The following SEPTIN9 variants were observed in gnomAD, a reference collection of about 807,000 sequenced individuals.
The protein encoded by SEPTIN9 is septin 9, also known as septin-9.
SEPTIN9 carries 13 observed loss-of-function variants against 56.6 expected under a neutral mutation model. That is an observed-to-expected ratio of 0.23 (90% confidence interval 0.15 to 0.37). SEPTIN9 has a LOEUF of 0.37. SEPTIN9 is among the 10% of genes least tolerant of loss of function. SEPTIN9 has a pLI of 1.00. For synonymous variants in SEPTIN9, 332 were observed against 334.1 expected, an observed-to-expected ratio of 0.99 and a Z score of 0.07; for missense variants, 650 against 823.1, an observed-to-expected ratio of 0.79 and a Z score of 2.57.
chr17:77,454,971 G>A (rs1270142890), intron 3 of SEPTIN9, among the ~76,000 whole-genome samples: 1 of 152,154 alleles, frequency 6.6e-6, no homozygotes, highest in Non-Finnish European at 1.5e-5. Flanking sequence ...CAGTGCAAAG[G>A]GCCTGAAAAG....
At chr17:77,343,039 A>ATCTATCTATCTG (rs1409785729) in intron 2 of SEPTIN9, among the ~76,000 whole-genome samples, 1 of 147,468 alleles carries the variant, frequency 6.8e-6, no homozygotes, top group African/African-American at 2.5e-5. Flanking sequence ...CTATCTATCT[A>ATCTATCTATCTG]TCTAGTCTCT....
At chr17:77,408,686 C>T (rs8068771) in intron 3 of SEPTIN9, among the ~76,000 whole-genome samples, 11,607 of 56,534 alleles carry the variant, frequency 0.21, 1,209 homozygotes, top group African/African-American at 0.41. Context: ...GTGGGGAGGG[C>T]GGGCATCAGC....
rs1034705439 is a variant in SEPTIN9, at chr17:77,421,677, C to A, written c.721+18974C>A. On this transcript the variant is annotated intron_variant, in intron 3 of 11. Coordinates refer to ENST00000427177, the MANE Select transcript of SEPTIN9 (RefSeq NM_001113491.2). This position sits in a 1 kb window ranked among gnomAD's most constrained non-coding sequence, Gnocchi z 4.6. ...CTTTGGAACTGGAGTGGCTCCTCCA[C>A]GGTGGATTGGGCTGAGCTCTCTGCC... Among the ~76,000 whole-genome samples, 1 of 152,190 alleles carries A rather than the reference C, an allele frequency of 6.6e-6. No individual in the cohort carries two copies. The highest frequency in any genetic ancestry group is 6.5e-5 in the Admixed American group (1 of 15,282).
At chr17:77,460,469 G>A (rs312843) in intron 3 of SEPTIN9, among the ~76,000 whole-genome samples, 11,879 of 152,192 alleles carry the variant, frequency 0.078, 1,409 homozygotes, top group African/African-American at 0.25. Flanking sequence ...CTCTCCTTCT[G>A]GGTCCTATGT....
chr17:77,486,505 T>TGC (rs2039787836), intron 4 of SEPTIN9, among the ~76,000 whole-genome samples: 1 of 96,716 alleles, frequency 1.0e-5, no homozygotes, highest in African/African-American at 6.2e-5. Context: ...TGTGTGTGTG[T>TGC]GTGTGTGTGT....
chr17:77,492,913 CG>C lies in SEPTIN9; in HGVS notation c.1477-62del. The C allele has an allele frequency of 2.7e-6, 4 of 1,457,902 alleles. No individual in the cohort carries two copies. The highest frequency in any genetic ancestry group is 3.8e-6 in the Non-Finnish European group (4 of 1,059,858). 90.3% of individuals were successfully genotyped at this position (1,457,902 alleles called of 1,614,324 possible). On this transcript the variant is annotated intron_variant, in intron 9 of 11. Transcript: ENST00000427177. This position sits in a 1 kb window ranked among gnomAD's most constrained non-coding sequence, Gnocchi z 5.4. ...ACCCCAGGCTCAGGGCAGCTCCTCCCGGGGGCCCAGGGGAGGGAATTGCCTT... is the reference window on the plus strand; with the variant it reads ...ACCCCAGGCTCAGGGCAGCTCCTCCCGGGGCCCAGGGGAGGGAATTGCCTT...
intron 2 of SEPTIN9, among the ~76,000 whole-genome samples, chr17:77,316,625 G>T (rs1414232703): frequency 6.6e-6 from 1 of 152,146 alleles, no homozygotes; most frequent in African/African-American, 2.4e-5. Context: ...GCCTCGTGGG[G>T]CCTTCCTGGG....
chr17:77,479,891 CG>C (rs1476214829), intron 3 of SEPTIN9, among the ~76,000 whole-genome samples: 6 of 152,174 alleles, frequency 3.9e-5, no homozygotes, highest in Non-Finnish European at 5.9e-5. Context: ...ACTGCTGCCC[CG>C]CAAGGCAAGG....
At chr17:77,387,091 A>T (rs2035362968) in intron 2 of SEPTIN9, among the ~76,000 whole-genome samples, 1 of 152,192 alleles carries the variant, frequency 6.6e-6, no homozygotes, top group Non-Finnish European at 1.5e-5. Context: ...GGCCCCCGTG[A>T]CAGTTTGCTG....
At chr17:77,411,716 G>A (rs1411249590) in intron 3 of SEPTIN9, among the ~76,000 whole-genome samples, 1 of 152,140 alleles carries the variant, frequency 6.6e-6, no homozygotes, top group African/African-American at 2.4e-5. Flanking sequence ...GCCCTGCCAG[G>A]CTTGTCCAGC....
chr17:77,387,549 G>A (rs981534338), intron 2 of SEPTIN9, among the ~76,000 whole-genome samples: 3 of 152,160 alleles, frequency 2.0e-5, no homozygotes, highest in African/African-American at 4.8e-5. Flanking sequence ...TGGGGTGAGC[G>A]GAGGGAACGC....
intron 2 of SEPTIN9, among the ~76,000 whole-genome samples, chr17:77,331,438 TG>T (rs1181070979): frequency 6.8e-6 from 1 of 146,932 alleles, no homozygotes; most frequent in African/African-American, 2.5e-5. Context: ...TGTTGAGGTG[TG>T]GGTGGGGGGA....
Position 77,318,011 on chromosome 17 carries a change from A to G in SEPTIN9, c.76+10814A>G, listed in dbSNP as rs1056175804. Among the ~76,000 whole-genome samples the G allele has an allele frequency of 2.0e-5, 3 of 152,162 alleles. No individual in the cohort carries two copies. Among genetic ancestry groups the G allele is most frequent in the Non-Finnish European group, 4.4e-5 (3 of 68,036 alleles). ...GGTTGCAGTGAACTGAGATAGTGCC[A>G]CTGTACTCCAGCCTGGGTGGCAGAG... On this transcript the variant is annotated intron_variant, in intron 2 of 11. Transcript: ENST00000427177. This position sits in a 1 kb window ranked among gnomAD's most constrained non-coding sequence, Gnocchi z 4.9.
intron 4 of SEPTIN9, among the ~76,000 whole-genome samples, chr17:77,485,633 G>T (rs573586478): frequency 6.6e-6 from 1 of 152,018 alleles, no homozygotes; most frequent in South Asian, 2.1e-4. Flanking sequence ...AGGTGTCGTG[G>T]CTGGAACATT....
rs768569373 is a variant in SEPTIN9, at chr17:77,429,906, G to A, written c.721+27203G>A. ...AACTGGATCCTCCCAGCTCATGGCT[G>A]TCAAATCCTTTAGATGCTTCTGGGT... On this transcript the variant is annotated intron_variant, in intron 3 of 11. Coordinates refer to ENST00000427177, the MANE Select transcript of SEPTIN9 (RefSeq NM_001113491.2). This position sits in a 1 kb window ranked among gnomAD's most constrained non-coding sequence, Gnocchi z 5.2. 2.0e-5 allele frequency among the ~76,000 whole-genome samples: 3 copies of A among 152,100 alleles called. No homozygotes were observed. The highest frequency in any genetic ancestry group is 4.4e-5 in the Non-Finnish European group (3 of 67,994).
intron 2 of SEPTIN9, among the ~76,000 whole-genome samples, chr17:77,393,013 C>G (rs771600167): frequency 1.2e-4 from 18 of 152,142 alleles, no homozygotes; most frequent in Non-Finnish European, 1.9e-4. Context: ...TCCACCTGCC[C>G]CAGGAGCCAC....
chr17:77,351,974 G>C (rs1168789004), intron 2 of SEPTIN9, among the ~76,000 whole-genome samples: 1 of 152,198 alleles, frequency 6.6e-6, no homozygotes, highest in Admixed American at 6.5e-5. Context: ...TGAGCATCTG[G>C]GTGACCCTGC....
At chr17:77,422,030 T>A (rs79153325) in intron 3 of SEPTIN9, among the ~76,000 whole-genome samples, 1 of 19,166 alleles carries the variant, frequency 5.2e-5, no homozygotes, top group East Asian at 3.3e-4. Context: ...TTAATTTTAA[T>A]TTTTTTTTGT....
chr17:77,455,117 G>A (rs2038141561), intron 3 of SEPTIN9, among the ~76,000 whole-genome samples: 1 of 151,812 alleles, frequency 6.6e-6, no homozygotes, highest in South Asian at 2.1e-4. Flanking sequence ...ATTCATTTGG[G>A]TTCAGTAGTT....
Sources: gnomAD v4.1 joint callset for allele counts (sites outside exome capture counted in the v4.1 genomes callset) on GRCh38, gnomAD v4.1.1 for gene constraint, Gnocchi (gnomAD v3.1) non-coding constraint, MANE v1.5 for transcripts, NCBI Gene and HGNC (gene_info 2026-07-23, HGNC 2026-07-21) for gene names.